Variants in COL21A1 observed in about 807,000 individuals in gnomAD.
COL21A1 encodes collagen type XXI alpha 1 chain, also known as collagen alpha-1(XXI) chain.
COL21A1 carries 149 observed loss-of-function variants against 137.9 expected under a neutral mutation model. The observed-to-expected ratio is 1.08, with a 90% CI of 0.95 to 1.24. The LOEUF (loss-of-function observed/expected upper bound fraction) is 1.24. Among genes scored for constraint, COL21A1 ranks in the 50% most tolerant of loss-of-function variants. The probability of loss-of-function intolerance (pLI) is 0.00; values close to 1 mark genes in which losing one functional copy is unlikely to be tolerated. For missense variants in COL21A1, 1,167 were observed against 1,158.4 expected (o/e 1.01, Z -0.11); for synonymous variants, 456 against 391.5 (o/e 1.16, Z -1.95).
At chr6:56,318,465 T>C (rs1223930283) in intron 1 of COL21A1, among the ~76,000 whole-genome samples, 1 of 152,112 alleles carries the variant, frequency 6.6e-6, no homozygotes, top group Non-Finnish European at 1.5e-5. Flanking sequence ...CTTCAACACC[T>C]TCACCACTCT....
intron 1 of COL21A1, among the ~76,000 whole-genome samples, chr6:56,292,431 A>G (rs1764070490): frequency 7.6e-6 from 1 of 131,984 alleles, no homozygotes; most frequent in African/African-American, 2.6e-5. Context: ...GGGTTCTTGA[A>G]CTCACCAGGG....
rs910117477 is a variant in COL21A1, at chr6:56,358,928, A to G, written c.-39+35043T>C. 2.6e-5 allele frequency among the ~76,000 whole-genome samples: 4 copies of G among 152,200 alleles called. No individual in the cohort carries two copies. In the South Asian group the frequency reaches 6.2e-4, roughly 24 times the overall value. The stretch of plus-strand genomic sequence containing the variant: ...TAATGTGGTGTATTTTCCCTTCCCA[A>G]TGGTTAAAAAAAAAATTCCATTCAA... On this transcript the variant is annotated intron_variant, in intron 1 of 28. Coordinates refer to the COL21A1 transcript ENST00000370819.
chr6:56,361,504 T>C (rs914304302), intron 1 of COL21A1, among the ~76,000 whole-genome samples: 5 of 152,182 alleles, frequency 3.3e-5, no homozygotes, highest in African/African-American at 7.2e-5. Context: ...GACTATCAGG[T>C]ACCTGTTTGA....
chr6:56,170,935 AG>A, intron 4 of COL21A1, 24 bp downstream of exon 4: 1 of 1,592,008 alleles, frequency 6.3e-7, no homozygotes, highest in South Asian at 1.1e-5. Context: ...CCCCCAAAAA[AG>A]TTGTGTCAAC....
chr6:56,160,946 C>T (rs953168590), intron 9 of COL21A1, among the ~76,000 whole-genome samples: 21 of 152,184 alleles, frequency 1.4e-4, no homozygotes, highest in African/African-American at 5.1e-4. Context: ...TCCACAAGAG[C>T]ATCTGACCTA....
intron 1 of COL21A1, among the ~76,000 whole-genome samples, chr6:56,349,646 A>C (rs906528338): frequency 6.6e-6 from 1 of 152,242 alleles, no homozygotes; most frequent in African/African-American, 2.4e-5. Flanking sequence ...CACAGCAATG[A>C]GTCAGAAGTG....
intron 16 of COL21A1, among the ~76,000 whole-genome samples, chr6:56,103,934 G>A (rs1212921356): frequency 6.6e-6 from 1 of 152,120 alleles, no homozygotes; most frequent in Non-Finnish European, 1.5e-5. Context: ...ACAACACTTT[G>A]AGAAACACTA....
intron 1 of COL21A1, among the ~76,000 whole-genome samples, chr6:56,230,161 C>T (rs1470773677): frequency 6.6e-6 from 1 of 151,846 alleles, no homozygotes; most frequent in East Asian, 1.9e-4. Context: ...AGTCATTTTT[C>T]TATAGGAGTC....
intron 1 of COL21A1, among the ~76,000 whole-genome samples, chr6:56,283,578 A>C (rs1212963027): frequency 6.6e-6 from 1 of 152,164 alleles, no homozygotes; most frequent in Non-Finnish European, 1.5e-5. Context: ...TTTTAAAGGA[A>C]GACATATACC....
chr6:56,197,772 C>T (rs1779122533), intron 1 of COL21A1, among the ~76,000 whole-genome samples: 1 of 151,844 alleles, frequency 6.6e-6, no homozygotes, highest in Non-Finnish European at 1.5e-5. Flanking sequence ...ATTGGTACAG[C>T]CATTATGAAA....
chr6:56,121,255 T>A (rs1467094326), intron 16 of COL21A1, among the ~76,000 whole-genome samples: 1 of 151,900 alleles, frequency 6.6e-6, no homozygotes, highest in East Asian at 1.9e-4. Flanking sequence ...GAACTTTAAA[T>A]GCATATTCTT....
At position 56,329,639 on chromosome 6, in the gene COL21A1, C is replaced by A. The variant is rs145839910; in HGVS notation, c.-39+64332G>T. The stretch of plus-strand genomic sequence containing the variant: ...CAACAGCTGTTTGTGTAGCAATATG[C>A]CGAGATAGTCCCACAAACTCCGGTC... On this transcript the variant is annotated intron_variant, in intron 1 of 28. Transcript: ENST00000370819. Among the ~76,000 whole-genome samples, 12 of 152,090 alleles carry A rather than the reference C, an allele frequency of 7.9e-5. No homozygotes were observed. In the East Asian group the frequency reaches 2.3e-3, roughly 29 times the overall value.
At chr6:56,233,758 T>G (rs1203506636) in intron 1 of COL21A1, among the ~76,000 whole-genome samples, 1 of 150,772 alleles carries the variant, frequency 6.6e-6, no homozygotes, top group African/African-American at 2.4e-5. Flanking sequence ...AAAAAAGACC[T>G]ATTTCATATT....
intron 1 of COL21A1, among the ~76,000 whole-genome samples, chr6:56,337,760 T>C (rs1765362690): frequency 1.3e-5 from 2 of 152,214 alleles, no homozygotes; most frequent in Admixed American, 1.3e-4. Context: ...TTGTGTGCTA[T>C]ATCAAACTTT....
chr6:56,331,916 G>C (rs1385212990), intron 1 of COL21A1: 1 of 151,982 alleles, frequency 6.6e-6, no homozygotes, highest in Admixed American at 6.6e-5. Context: ...TAAATCAGAA[G>C]TACTGCTTCG....
At chr6:56,187,668 A>C (rs1324926310) in intron 1 of COL21A1, among the ~76,000 whole-genome samples, 3 of 152,226 alleles carry the variant, frequency 2.0e-5, no homozygotes, top group Non-Finnish European at 4.4e-5. Flanking sequence ...ACCTCATTTC[A>C]CATAAGAAAA....
At chr6:56,251,410 T>C (rs949600810), upstream of COL21A1, among the ~76,000 whole-genome samples, 1 of 152,190 alleles carries the variant, frequency 6.6e-6, no homozygotes, top group Non-Finnish European at 1.5e-5. Flanking sequence ...TAAACAAATA[T>C]TTATCGAATG....
chr6:56,184,113 G>T (rs1778106522), intron 1 of COL21A1, among the ~76,000 whole-genome samples: 1 of 151,848 alleles, frequency 6.6e-6, no homozygotes, highest in African/African-American at 2.4e-5. Context: ...AGAGAATGAA[G>T]AAATATTTGA....
chr6:56,186,218 T>C (rs937315382), intron 1 of COL21A1, among the ~76,000 whole-genome samples: 1 of 152,188 alleles, frequency 6.6e-6, no homozygotes, highest in African/African-American at 2.4e-5. Flanking sequence ...ACTTATATAA[T>C]GTACTTTGGT....
Sources: allele counts gnomAD v4.1 joint callset (sites outside exome capture counted in the v4.1 genomes callset), GRCh38; gene constraint gnomAD v4.1.1; transcripts MANE v1.5; gene names NCBI Gene and HGNC (gene_info 2026-07-23, HGNC 2026-07-21).